Variants in BPTF observed in about 807,000 individuals in gnomAD.
BPTF encodes nucleosome-remodeling factor subunit BPTF.
A neutral mutation model predicts 292.5 loss-of-function variants in BPTF; 18 were observed. That is an observed-to-expected ratio of 0.06 (90% CI 0.04 to 0.09). The LOEUF (loss-of-function observed/expected upper bound fraction) is 0.09, where lower values mean the gene tolerates loss of function less well. Among genes scored for constraint, BPTF ranks in the 10% least tolerant of loss-of-function variants. The probability of loss-of-function intolerance (pLI) is 1.00; values close to 1 mark genes in which losing one functional copy is unlikely to be tolerated. For missense variants in BPTF, 2,726 were observed against 3,498.7 expected (o/e 0.78, Z 5.57); for synonymous variants, 1,225 against 1,251.9 (o/e 0.98, Z 0.45).
In BPTF at chr17:67,904,806, T is replaced by C; in HGVS notation, c.2778T>C (p.Asn926=). 1 of 1,613,020 alleles carries C rather than the reference T, an allele frequency of 6.2e-7. No homozygotes were observed. The change falls in exon 9 of 28, where the codon AAT becomes AAC. Residue 926 remains asparagine (N), a synonymous_variant. Coordinates refer to ENST00000306378, the MANE Select transcript of BPTF (RefSeq NM_182641.4). ...VYRFVPKLPG[N]TNVNYRKSLE... ...GGTTTGTTCCTAAATTGCCAGGCAA[T>C]ACTAATGTGAATTACAGAAAGTCGT...
chr17:67,971,981 T>C (rs946637158), intron 26 of BPTF, among the ~76,000 whole-genome samples: 2 of 152,270 alleles, frequency 1.3e-5, no homozygotes, highest in Non-Finnish European at 2.9e-5. Context: ...TCTTTGAGAA[T>C]ATTTATTTCA....
Position 67,931,920 on chromosome 17 carries a change from G to C in BPTF, c.6160G>C (p.Gly2054Arg). 6.2e-7 allele frequency: 1 copy of C among 1,611,856 alleles called. No individual in the cohort carries two copies. The highest frequency in any genetic ancestry group is 8.5e-7 in the Non-Finnish European group (1 of 1,179,060). ...TTTGTGTCATTTATAGGTAATCACA[G>C]GGCCTCAGATTCGCCCTGGTATGAC... ...GTTSNSQVITGPQIRPGMTVI... is the reference protein window; with the variant it reads ...GTTSNSQVITRPQIRPGMTVI... Residue 2054 changes from glycine (G) to arginine (R), a missense_variant, in exon 18 of 28, where the codon GGG (glycine) becomes CGG (arginine). Gly to Arg is a moderately radical substitution (Grantham distance 125, BLOSUM62 -2). This residue lies in a region of BPTF where 570 missense variants were observed against 633.5 expected (regional missense o/e 0.90). Coordinates refer to ENST00000306378, the MANE Select transcript of BPTF (RefSeq NM_182641.4).
chr17:67,912,394 C>G lies in BPTF; in HGVS notation c.4510C>G (p.Leu1504Val). Residue 1504 changes from leucine (L) to valine (V), a missense_variant, in exon 11 of 28, where the codon CTG (leucine) becomes GTG (valine). Transcript: ENST00000306378. The stretch of plus-strand genomic sequence containing the variant: ...TAACTACCGAGATAGCCTTGAGACC[C>G]TGCCATCAACCAAAGAGTCTGACAG... ...EGNYRDSLET[L>V]PSTKESDSTQ... 1.2e-6 allele frequency: 2 copies of G among 1,614,088 alleles called. No homozygotes were observed. The highest frequency in any genetic ancestry group is 2.2e-5 in the South Asian group (2 of 91,070).
intron 23 of BPTF, chr17:67,951,256 C>T (rs2066330877): frequency 6.6e-6 from 1 of 152,042 alleles, no homozygotes; most frequent in Admixed American, 6.6e-5. Context: ...AGAATCAGCC[C>T]CAATCCTGAG....
In BPTF at chr17:67,854,427, A is replaced by G. The variant is rs1348410797; in HGVS notation, c.1101A>G (p.Leu367=). 24 of 1,614,210 alleles carry G rather than the reference A, an allele frequency of 1.5e-5. No homozygotes were observed. The highest frequency in any genetic ancestry group is 1.9e-5 in the Non-Finnish European group (23 of 1,180,024). ...VENKIKVLQF[L]VDQFLTTNIA... is the part of the protein sequence containing the mutation. The stretch of plus-strand genomic sequence containing the variant: ...ACAAGATCAAAGTTCTACAGTTTCT[A>G]GTCGATCAGTTTCTTACAACAAATA... Residue 367 remains leucine, a synonymous_variant, in exon 2 of 28, where the codon CTA becomes CTG. Coordinates refer to ENST00000306378, the MANE Select transcript of BPTF (RefSeq NM_182641.4). This position sits in a 1 kb window ranked among gnomAD's most constrained non-coding sequence, Gnocchi z 5.6.
intron 4 of BPTF, 109 bp from the exon 5 acceptor site, chr17:67,891,735 T>G (rs539066031): frequency 2.7e-6 from 2 of 740,214 alleles, no homozygotes; most frequent in Non-Finnish European, 4.0e-6. Flanking sequence ...TTTTATCTGT[T>G]TACTTTGTGG....
chr17:67,942,859 C>A (rs1009348877), intron 19 of BPTF, among the ~76,000 whole-genome samples: 1 of 152,050 alleles, frequency 6.6e-6, no homozygotes, highest in African/African-American at 2.4e-5. Context: ...AAGCAAGTAG[C>A]TGCCAAAAAA....
chr17:67,839,988 T>C (rs1324906874), intron 1 of BPTF, among the ~76,000 whole-genome samples: 11 of 152,164 alleles, frequency 7.2e-5, no homozygotes, highest in African/African-American at 2.7e-4. Context: ...AAGTATATAG[T>C]GATATCCCCT....
intron 1 of BPTF, among the ~76,000 whole-genome samples, chr17:67,839,856 T>G (rs2057414078): frequency 6.6e-6 from 1 of 152,196 alleles, no homozygotes; most frequent in Non-Finnish European, 1.5e-5. Context: ...CTGCCAAAAC[T>G]GTTTTCCAAA....
At position 67,945,757 on chromosome 17, in the gene BPTF, G is replaced by A. The variant is rs375107621; in HGVS notation, c.7049G>A (p.Arg2350Gln). 12 of 1,614,070 alleles carry A rather than the reference G, an allele frequency of 7.4e-6. No homozygotes were observed. Among genetic ancestry groups the A allele is most frequent in the South Asian group, 2.2e-5 (2 of 91,072 alleles). Reference protein sequence around the residue: ...PVRVQSPSQTRIRPSTPSQLS... With the variant: ...PVRVQSPSQTQIRPSTPSQLS... ...CGTGTCCAAAGTCCATCACAGACTC[G>A]AATACGTCCATCAACTCCATCCCAA... Residue 2350 changes from arginine to glutamine, a missense_variant, in exon 21 of 28, where the codon CGA becomes CAA. Physicochemically the swap from Arg to Gln is conservative, Grantham distance 43 (BLOSUM62 1). This residue lies in a region of BPTF where 570 missense variants were observed against 633.5 expected (regional missense o/e 0.90). Coordinates refer to ENST00000306378, the MANE Select transcript of BPTF (RefSeq NM_182641.4).
At chr17:67,897,368 AAAAGT>A (rs2061520907) in intron 7 of BPTF, among the ~76,000 whole-genome samples, 1 of 147,188 alleles carries the variant, frequency 6.8e-6, no homozygotes, top group Non-Finnish European at 1.5e-5. Context: ...AAAAAAAAAA[AAAAGT>A]AAAGAAAGAG....
In BPTF at chr17:67,944,247, C is replaced by T. The variant is rs909652275; in HGVS notation, c.6575C>T (p.Pro2192Leu). The change falls in exon 20 of 28, where the codon CCA (proline) becomes CTA (leucine). Residue 2192 changes from proline to leucine, a missense_variant. Pro to Leu is a moderately conservative substitution (Grantham distance 98). Around this residue, in one of 22 missense-constraint regions of BPTF, gnomAD observed 570 missense variants for 633.5 expected, o/e 0.90. Transcript: ENST00000306378. Reference sequence around the variant, plus strand: ...CAAGGGGTGACTGTACTCCCAGGCCCAGGCCAGCAGCTAATGCAAGCTGCA... The same window carrying T: ...CAAGGGGTGACTGTACTCCCAGGCCTAGGCCAGCAGCTAATGCAAGCTGCA... Reference protein sequence around the residue: ...IPQGVTVLPGPGQQLMQAAMP... With the variant: ...IPQGVTVLPGLGQQLMQAAMP... 6.2e-7 allele frequency: 1 copy of T among 1,614,136 alleles called. No homozygotes were observed. Among genetic ancestry groups the T allele is most frequent in the Non-Finnish European group, 8.5e-7 (1 of 1,180,030 alleles).
At chr17:67,827,442 A>G (rs2056191860) in intron 1 of BPTF, among the ~76,000 whole-genome samples, 1 of 152,190 alleles carries the variant, frequency 6.6e-6, no homozygotes. Context: ...TGCTTTGTAC[A>G]TAGTCACAAT....
rs781963225 is a variant in BPTF at position 67,940,564 on chromosome 17, A to G, written c.6385A>G (p.Asn2129Asp). ...KSLTSATSTS[N>D]IQSSASQPPR... ...CTTAACTTCAGCAACGTCCACTTCAAATATACAGTCTTCAGCCTCACAACC... is the reference window on the plus strand; with the variant it reads ...CTTAACTTCAGCAACGTCCACTTCAGATATACAGTCTTCAGCCTCACAACC... The change falls in exon 19 of 28, where the codon AAT (asparagine) becomes GAT (aspartate). Residue 2129 changes from asparagine to aspartate, a missense_variant. Asn to Asp is a conservative substitution (Grantham distance 23, BLOSUM62 1). This residue lies in a region of BPTF where 570 missense variants were observed against 633.5 expected (regional missense o/e 0.90). Coordinates refer to ENST00000306378, the MANE Select transcript of BPTF (RefSeq NM_182641.4). The G allele has an allele frequency of 1.3e-5, 21 of 1,614,100 alleles. No homozygotes were observed. The highest frequency in any genetic ancestry group is 1.5e-5 in the Non-Finnish European group (18 of 1,180,032).
intron 8 of BPTF, 61 bp from the exon 9 acceptor site, chr17:67,904,641 C>T: frequency 7.9e-7 from 1 of 1,266,742 alleles, no homozygotes; most frequent in Non-Finnish European, 1.1e-6. Flanking sequence ...CATAAAACCA[C>T]ATGTGGTTTA....
intron 7 of BPTF, among the ~76,000 whole-genome samples, chr17:67,895,332 CAAAAAAAAAAAAAA>C (rs35234780): frequency 3.5e-5 from 2 of 56,648 alleles, no homozygotes; most frequent in East Asian, 5.1e-4. Flanking sequence ...GACTTCATCT[CAAAAAAAAAAAAAA>C]AAAAAAAAAA....
chr17:67,843,928 G>A (rs1165336236), intron 1 of BPTF, among the ~76,000 whole-genome samples: 1 of 150,358 alleles, frequency 6.7e-6, no homozygotes, highest in Non-Finnish European at 1.5e-5. Flanking sequence ...ACCATGGCCG[G>A]CTAATTTATT....
chr17:67,904,918 A>G (rs2062074288), intron 9 of BPTF, 78 bp downstream of exon 9: 1 of 1,191,482 alleles, frequency 8.4e-7, no homozygotes, highest in Admixed American at 2.6e-5. Context: ...TTTTGACTAT[A>G]TTTTAGATAA....
At chr17:67,916,595 A>AAAT (rs1041795650) in intron 11 of BPTF, among the ~76,000 whole-genome samples, 22 of 151,580 alleles carry the variant, frequency 1.5e-4, no homozygotes, top group African/African-American at 4.4e-4. Context: ...CGTCTCAAAA[A>AAAT]AATAATAATA....
Sources: allele counts gnomAD v4.1 joint callset (sites outside exome capture counted in the v4.1 genomes callset), GRCh38; gene constraint gnomAD v4.1.1; regional missense constraint gnomAD v4.1.1; non-coding constraint Gnocchi (gnomAD v3.1); transcripts MANE v1.5; gene names NCBI Gene and HGNC (gene_info 2026-07-23, HGNC 2026-07-21).